WDFY4: variants seen among roughly 807,000 people sequenced by gnomAD.
The protein encoded by WDFY4 is WD repeat- and FYVE domain-containing protein 4.
Under a neutral mutation model 351.9 loss-of-function variants are expected in WDFY4, and 169 were observed. That is an observed-to-expected ratio of 0.48 (90% confidence interval 0.42 to 0.55). WDFY4 has a LOEUF of 0.55. Ranked by LOEUF, WDFY4 falls within the 20% of genes least tolerant of loss-of-function variation. The pLI, the probability that WDFY4 is intolerant of heterozygous loss-of-function variation, is 0.00. For missense variants in WDFY4, 3,803 were observed against 3,935.6 expected (o/e 0.97, Z 0.90); for synonymous variants, 1,622 against 1,574.6 (o/e 1.03, Z -0.71).
At chr10:48,834,008 A>C (rs2068290901) in intron 39 of WDFY4, among the ~76,000 whole-genome samples, 2 of 152,228 alleles carry the variant, frequency 1.3e-5, no homozygotes, top group African/African-American at 4.8e-5. Context: ...TTCAGGGCCT[A>C]GAAAGAGTCC....
chr10:48,813,117 G>A (rs1365906331), intron 30 of WDFY4, among the ~76,000 whole-genome samples: 2 of 152,242 alleles, frequency 1.3e-5, no homozygotes, highest in Non-Finnish European at 2.9e-5. Context: ...CAACTTCCTG[G>A]AACCTGACAA....
intron 19 of WDFY4, among the ~76,000 whole-genome samples, chr10:48,783,468 G>A (rs1049431893): frequency 6.6e-5 from 10 of 151,242 alleles, no homozygotes; most frequent in Non-Finnish European, 1.3e-4. Flanking sequence ...ATTTATATAT[G>A]TACAATTGTA....
chr10:48,870,807 A>G (rs2069741290), intron 40 of WDFY4, among the ~76,000 whole-genome samples: 1 of 152,160 alleles, frequency 6.6e-6, no homozygotes, highest in African/African-American at 2.4e-5. Context: ...GGACTAAATA[A>G]TCACATCTCT....
rs1287944010 is a variant in WDFY4 at position 48,760,396 on chromosome 10, A to G, written c.2509A>G (p.Met837Val). The G allele has an allele frequency of 2.6e-6, 4 of 1,551,598 alleles. No homozygotes were observed. The part of the protein sequence containing the change: ...AIMHPGVVCI[M>V]VRLLPRLYHE... ...CATGCATCCCGGGGTCGTGTGCATC[A>G]TGGTGAGGCTGCTGCCTCGGTTGTA... Residue 837 changes from methionine to valine, a missense_variant, in exon 13 of 62, where the codon ATG becomes GTG. Coordinates refer to ENST00000325239, the MANE Select transcript of WDFY4 (RefSeq NM_001394531.1).
chr10:48,882,126 C>T (rs1445675100), intron 43 of WDFY4, among the ~76,000 whole-genome samples: 2 of 152,188 alleles, frequency 1.3e-5, no homozygotes, highest in East Asian at 1.9e-4. Flanking sequence ...AGCCAACCTG[C>T]AGCCAGGCCT....
chr10:48,717,470 A>G (rs1447309665), intron 2 of WDFY4, among the ~76,000 whole-genome samples: 7 of 152,186 alleles, frequency 4.6e-5, no homozygotes, highest in Admixed American at 2.6e-4. Context: ...AATAAATAAA[A>G]CATTTCAGGT....
At chr10:48,708,312 C>T (rs914754719) in intron 1 of WDFY4, among the ~76,000 whole-genome samples, 9 of 152,190 alleles carry the variant, frequency 5.9e-5, no homozygotes, top group African/African-American at 2.2e-4. Flanking sequence ...TGTCACGTGG[C>T]TAAACCCCAT....
In WDFY4 at chr10:48,788,581, C is replaced by G. The variant is rs1339604314; in HGVS notation, c.3860C>G (p.Ser1287Cys). 4 of 1,551,804 alleles carry G rather than the reference C, an allele frequency of 2.6e-6. No individual in the cohort carries two copies. The highest frequency in any genetic ancestry group is 2.6e-6 in the Non-Finnish European group (3 of 1,147,030). ...CCCTTTGTTGCAGAAGAAAGAGTTT[C>G]TTTTGGACTTCACATAGCCAGCTCC... ...ATPFVAEERV[S>C]FGLHIASSSI... Residue 1287 changes from serine to cysteine, a missense_variant, in exon 21 of 62, where the codon TCT becomes TGT. Around this residue, in one of 3 missense-constraint regions of WDFY4, gnomAD observed 3,054 missense variants for 3,148.6 expected, o/e 0.97. Coordinates refer to ENST00000325239, the MANE Select transcript of WDFY4 (RefSeq NM_001394531.1).
At chr10:48,771,371 T>C (rs2065860140) in intron 13 of WDFY4, among the ~76,000 whole-genome samples, 1 of 152,202 alleles carries the variant, frequency 6.6e-6, no homozygotes, top group South Asian at 2.1e-4. Context: ...GAGGTGACTC[T>C]GAGCAAGAGT....
intron 60 of WDFY4, among the ~76,000 whole-genome samples, chr10:48,980,583 G>C (rs573935179): frequency 6.6e-6 from 1 of 152,190 alleles, no homozygotes; most frequent in Non-Finnish European, 1.5e-5. Flanking sequence ...TACATAAAAA[G>C]TGCTTGGGAG....
chr10:48,729,518 C>G lies in WDFY4; in HGVS notation c.1058C>G (p.Ser353Ter). Residue 353 changes from serine to a stop codon, truncating the protein, a stop_gained, in exon 8 of 62, where the codon TCA becomes TGA. Transcript: ENST00000325239. LOFTEE classifies it high-confidence loss of function. Reference protein sequence around the residue: ...LVVWLTTCGRSELKVFDSITY... With the variant: ...LVVWLTTCGR ...GTGTGGCTGACAACCTGTGGGAGGT[C>G]AGAGCTGAAGGTGTTTGACAGCATC... The G allele has an allele frequency of 6.4e-7, 1 of 1,551,704 alleles. No individual in the cohort carries two copies. The highest frequency in any genetic ancestry group is 8.7e-7 in the Non-Finnish European group (1 of 1,147,006).
At chr10:48,708,968 G>A (rs1415888315) in intron 1 of WDFY4, among the ~76,000 whole-genome samples, 2 of 151,430 alleles carry the variant, frequency 1.3e-5, no homozygotes, top group Non-Finnish European at 2.9e-5. Flanking sequence ...CCTTTTAAAA[G>A]AGAAGCAGCA....
At chr10:48,715,993 G>A (rs917577950) in intron 2 of WDFY4, among the ~76,000 whole-genome samples, 2 of 151,954 alleles carry the variant, frequency 1.3e-5, no homozygotes, top group Non-Finnish European at 2.9e-5. Context: ...GGACAGTAAG[G>A]GTAAGCCCTC....
chr10:48,797,712 TA>T (rs2066921598), intron 24 of WDFY4, among the ~76,000 whole-genome samples: 1 of 152,250 alleles, frequency 6.6e-6, no homozygotes, highest in African/African-American at 2.4e-5. Context: ...TATTTTGTTA[TA>T]AATTGTGTTA....
chr10:48,806,094 T>C lies in WDFY4; in HGVS notation c.4737T>C (p.Pro1579=). The C allele has an allele frequency of 6.4e-7, 1 of 1,551,636 alleles. No homozygotes were observed. Among genetic ancestry groups the C allele is most frequent in the South Asian group, 1.2e-5 (1 of 84,056 alleles). The change falls in exon 27 of 62, where the codon CCT becomes CCC. Residue 1579 remains proline, a splice_region_variant and synonymous_variant. Coordinates refer to ENST00000325239, the MANE Select transcript of WDFY4 (RefSeq NM_001394531.1). ...ACGGAGCCCTGGACCCTTCCCTGCCTGGTGAGAAGACCTTTGCCAGTTCGA... is the reference window on the plus strand; with the variant it reads ...ACGGAGCCCTGGACCCTTCCCTGCCCGGTGAGAAGACCTTTGCCAGTTCGA... The part of the protein sequence containing the change: ...CMDGALDPSL[P]AGSQTSGKTI...
At chr10:48,709,586 C>G (rs2132203991) in intron 1 of WDFY4, 130 bp from the exon 2 acceptor site, 1 of 740,996 alleles carries the variant, frequency 1.3e-6, no homozygotes, top group East Asian at 2.7e-5. Context: ...TTATTTTAGT[C>G]TGTTTCAGAT....
chr10:48,724,092 T>C (rs908542493), intron 5 of WDFY4, among the ~76,000 whole-genome samples: 19 of 152,184 alleles, frequency 1.2e-4, no homozygotes, highest in African/African-American at 4.3e-4. Flanking sequence ...TCTCACCTCC[T>C]TCCCCTGCCC....
intron 39 of WDFY4, among the ~76,000 whole-genome samples, chr10:48,849,999 C>T (rs2068903338): frequency 6.6e-6 from 1 of 152,126 alleles, no homozygotes; most frequent in South Asian, 2.1e-4. Context: ...ATGCTTTTTT[C>T]ATGATTATCC....
At chr10:48,872,276 T>C (rs1425352084) in intron 40 of WDFY4, among the ~76,000 whole-genome samples, 1 of 152,210 alleles carries the variant, frequency 6.6e-6, no homozygotes, top group Non-Finnish European at 1.5e-5. Context: ...ACTCATAAAA[T>C]AATAGCCCCT....
Sources: gnomAD v4.1 joint callset for allele counts (sites outside exome capture counted in the v4.1 genomes callset) on GRCh38, gnomAD v4.1.1 for gene constraint, gnomAD v4.1.1 regional missense constraint, MANE v1.5 for transcripts, NCBI Gene and HGNC (gene_info 2026-07-23, HGNC 2026-07-21) for gene names.